Variants in KCNK13 observed in about 807,000 individuals in gnomAD.
KCNK13 encodes the protein potassium two pore domain channel subfamily K member 13, also known as potassium channel subfamily K member 13.
In KCNK13, 12 loss-of-function variants were observed where a neutral mutation model predicts 23.4. The observed-to-expected ratio is 0.51, with a 90% CI of 0.33 to 0.83. KCNK13 has a LOEUF of 0.83. Among genes scored for constraint, KCNK13 ranks in the 40% least tolerant of loss-of-function variants. The probability of loss-of-function intolerance (pLI) is 0.02; values close to 1 mark genes in which losing one functional copy is unlikely to be tolerated. For missense variants in KCNK13, 463 were observed against 556.3 expected, an observed-to-expected ratio of 0.83 and a Z score of 1.69; for synonymous variants, 231 against 229.5, an observed-to-expected ratio of 1.01 and a Z score of -0.06.
At chr14:90,103,083 A>G (rs1344010678) in intron 1 of KCNK13, among the ~76,000 whole-genome samples, 2 of 152,138 alleles carry the variant, frequency 1.3e-5, no homozygotes, top group Non-Finnish European at 2.9e-5. Context: ...TGCCAGCTCC[A>G]TCCACATTGC....
In KCNK13 at chr14:90,092,912, CAAAAAAAAAAAA is replaced by C. The variant is rs34122207; in HGVS notation, c.334+30384_334+30395del. ...GGATGACAGAGTGAGACCCTGTCTCCAAAAAAAAAAAAAAAAAAAAAAGCATCACGATACTCA... is the reference window on the plus strand; with the variant it reads ...GGATGACAGAGTGAGACCCTGTCTCCAAAAAAAAAAGCATCACGATACTCA... On this transcript the variant is annotated intron_variant, in intron 1 of 1. Transcript: ENST00000282146. Among the ~76,000 whole-genome samples, 265 of 78,326 alleles carry C rather than the reference CAAAAAAAAAAAA, an allele frequency of 3.4e-3. 2 individuals are homozygous for C. The highest frequency in any genetic ancestry group is 0.012 in the African/African-American group (249 of 21,240). The allele number at this position is 78,326 out of a possible 152,430, so 51.4% of individuals were successfully genotyped here.
intron 1 of KCNK13, among the ~76,000 whole-genome samples, chr14:90,181,571 GACCA>G (rs1890486353): frequency 1.3e-5 from 2 of 152,166 alleles, no homozygotes; most frequent in Admixed American, 1.3e-4. Flanking sequence ...TAAACACTCA[GACCA>G]CGGCAGTGGC....
At chr14:90,064,045 C>T (rs572481832) in intron 1 of KCNK13, among the ~76,000 whole-genome samples, 1 of 152,272 alleles carries the variant, frequency 6.6e-6, no homozygotes, top group African/African-American at 2.4e-5. Flanking sequence ...ATAACACCCC[C>T]ATGGTTCTCC....
At chr14:90,094,898 C>T (rs769136346) in intron 1 of KCNK13, among the ~76,000 whole-genome samples, 8 of 152,172 alleles carry the variant, frequency 5.3e-5, no homozygotes, top group Middle Eastern at 6.8e-3. Flanking sequence ...CCTCCCGGCT[C>T]GGCCTCCCAA....
At chr14:90,164,393 A>G (rs951052562) in intron 1 of KCNK13, among the ~76,000 whole-genome samples, 1 of 152,214 alleles carries the variant, frequency 6.6e-6, no homozygotes, top group Non-Finnish European at 1.5e-5. Context: ...CTATGCCTAG[A>G]AGGCGCCTCT....
intron 1 of KCNK13, among the ~76,000 whole-genome samples, chr14:90,164,752 A>G (rs1195991057): frequency 1.1e-4 from 16 of 152,228 alleles, no homozygotes; most frequent in Non-Finnish European, 1.5e-5. Flanking sequence ...TCCCTGGGCC[A>G]TGCTTTATTC....
At chr14:90,141,795 G>GT (rs796616017) in intron 1 of KCNK13, among the ~76,000 whole-genome samples, 3 of 888 alleles carry the variant, frequency 3.4e-3, no homozygotes, top group Middle Eastern at 0.5. Context: ...TTTGTTTTTT[G>GT]GGGGGGGGGA....
chr14:90,152,258 C>T (rs56003986), intron 1 of KCNK13, among the ~76,000 whole-genome samples: 25,736 of 152,122 alleles, frequency 0.17, 2,439 homozygotes, highest in South Asian at 0.29. Flanking sequence ...CCTTTGCGGC[C>T]GGTGCAGTGG....
At chr14:90,112,840 T>C (rs1341064375) in intron 1 of KCNK13, among the ~76,000 whole-genome samples, 1 of 151,382 alleles carries the variant, frequency 6.6e-6, no homozygotes, top group East Asian at 1.9e-4. Flanking sequence ...ACAGCATTCA[T>C]ATAGACAAAA....
intron 1 of KCNK13, among the ~76,000 whole-genome samples, chr14:90,173,351 CA>C (rs1425932073): frequency 1.3e-5 from 2 of 152,032 alleles, no homozygotes; most frequent in East Asian, 3.9e-4. Flanking sequence ...AGTGAGACCC[CA>C]CCTCTAAAAA....
rs145439375 is a variant in KCNK13, at chr14:90,150,242, T to C, written c.335-33869T>C. Among the ~76,000 whole-genome samples, 1,042 of 152,260 alleles carry C rather than the reference T, an allele frequency of 6.8e-3. 12 individuals are homozygous for C. The highest frequency in any genetic ancestry group is 0.023 in the African/African-American group (960 of 41,550). On this transcript the variant is annotated intron_variant, in intron 1 of 1. Coordinates refer to ENST00000282146, the MANE Select transcript of KCNK13 (RefSeq NM_022054.4). ...GAGGATGTGGCTTGTTTGGGGATGA[T>C]AGTTAAGTACGGCTGGTTTTGAACC...
chr14:90,069,402 A>G (rs955564812), intron 1 of KCNK13, among the ~76,000 whole-genome samples: 1 of 151,884 alleles, frequency 6.6e-6, no homozygotes, highest in African/African-American at 2.4e-5. Flanking sequence ...GTGGCCCATG[A>G]TTGGCTCTGC....
At chr14:90,128,222 G>T (rs1889825522) in intron 1 of KCNK13, among the ~76,000 whole-genome samples, 1 of 152,174 alleles carries the variant, frequency 6.6e-6, no homozygotes, top group South Asian at 2.1e-4. Flanking sequence ...TCCATCTTCA[G>T]TTGAAATGTA....
chr14:90,171,518 C>G (rs1451409841), intron 1 of KCNK13, among the ~76,000 whole-genome samples: 5 of 152,174 alleles, frequency 3.3e-5, no homozygotes, highest in African/African-American at 9.7e-5. Context: ...AGACACGTGC[C>G]TGTGATGCAG....
chr14:90,078,189 G>A (rs1415995102), intron 1 of KCNK13, among the ~76,000 whole-genome samples: 5 of 152,172 alleles, frequency 3.3e-5, no homozygotes, highest in Admixed American at 6.5e-5. Context: ...GGGAGGCCGA[G>A]GTGGGCAGAT....
chr14:90,163,286 G>T (rs915086816), intron 1 of KCNK13, among the ~76,000 whole-genome samples: 1 of 152,176 alleles, frequency 6.6e-6, no homozygotes, highest in African/African-American at 2.4e-5. Context: ...GAAGAGAAAC[G>T]CAAGTTAGGT....
At chr14:90,153,151 G>A (rs1596801361) in intron 1 of KCNK13, among the ~76,000 whole-genome samples, 1 of 152,092 alleles carries the variant, frequency 6.6e-6, no homozygotes. Context: ...GCCTCCCAGG[G>A]GAAGCCTTCT....
At position 90,184,770 on chromosome 14, in the gene KCNK13, G is replaced by T. The variant is rs900008972; in HGVS notation, c.994G>T (p.Val332Leu). The change falls in exon 2 of 2, where the codon GTG becomes TTG. Residue 332 changes from valine (V) to leucine (L), a missense_variant. Val to Leu is a conservative substitution (Grantham distance 32, BLOSUM62 1). Around this residue, in one of 3 missense-constraint regions of KCNK13, gnomAD observed 166 missense variants for 178.8 expected, o/e 0.93. Transcript: ENST00000282146. The surrounding 1 kb of genome is among the most constrained non-coding windows in gnomAD (Gnocchi z 5.6). ...CAACATCTCCATAGAGACAGACGGGGTGGCAGAGAGTGACACGGACGGGCG... is the reference window on the plus strand; with the variant it reads ...CAACATCTCCATAGAGACAGACGGGTTGGCAGAGAGTGACACGGACGGGCG... The part of the protein sequence containing the change: ...RCNISIETDG[V>L]AESDTDGRRL... 7 of 1,613,454 alleles carry T rather than the reference G, an allele frequency of 4.3e-6. No homozygotes were observed. The highest frequency in any genetic ancestry group is 5.9e-6 in the Non-Finnish European group (7 of 1,179,424).
intron 1 of KCNK13, among the ~76,000 whole-genome samples, chr14:90,173,817 T>C (rs911195899): frequency 1.5e-4 from 23 of 152,220 alleles, no homozygotes; most frequent in Non-Finnish European, 2.2e-4. Flanking sequence ...GGTAGTGTAT[T>C]AGTCCGTTTT....
Sources: allele counts gnomAD v4.1 joint callset (sites outside exome capture counted in the v4.1 genomes callset), GRCh38; gene constraint gnomAD v4.1.1; regional missense constraint gnomAD v4.1.1; non-coding constraint Gnocchi (gnomAD v3.1); transcripts MANE v1.5; gene names NCBI Gene and HGNC (gene_info 2026-07-23, HGNC 2026-07-21).